The following PHTF2 variants were observed in gnomAD, a reference collection of about 807,000 sequenced individuals.
The protein encoded by PHTF2 is putative homeodomain transcription factor 2.
A neutral mutation model predicts 101.2 loss-of-function variants in PHTF2; 60 were observed. That is an observed-to-expected ratio of 0.59 (90% CI 0.48 to 0.73). The LOEUF (loss-of-function observed/expected upper bound fraction) is 0.73, where lower values mean the gene tolerates loss of function less well. Ranked by LOEUF, PHTF2 falls within the 30% of genes least tolerant of loss-of-function variation. PHTF2 has a pLI of 0.00. For missense variants in PHTF2, 747 were observed against 908.7 expected, an observed-to-expected ratio of 0.82 and a Z score of 2.29; for synonymous variants, 311 against 307.3, an observed-to-expected ratio of 1.01 and a Z score of -0.13.
intron 19 of PHTF2, among the ~76,000 whole-genome samples, chr7:77,954,615 T>TATATATATATATAA (rs1806839794): frequency 1.4e-5 from 1 of 71,266 alleles, no homozygotes; most frequent in Non-Finnish European, 3.6e-5. Flanking sequence ...GTACTGTGTA[T>TATATATATATATAA]ATATATATAT....
At chr7:77,925,115 A>ATGAGAAGCG (rs1803836379) in intron 11 of PHTF2, among the ~76,000 whole-genome samples, 1 of 152,198 alleles carries the variant, frequency 6.6e-6, no homozygotes, top group South Asian at 2.1e-4. Flanking sequence ...GTAACATTTG[A>ATGAGAAGCG]TGAGAAGCGT....
intron 1 of PHTF2, among the ~76,000 whole-genome samples, chr7:77,801,502 C>T (rs1386461101): frequency 6.6e-6 from 1 of 152,206 alleles, no homozygotes; most frequent in Non-Finnish European, 1.5e-5. Flanking sequence ...AGGAGAATCG[C>T]TTGAACCCAG....
At chr7:77,850,750 G>A (rs1362986760) in intron 2 of PHTF2, among the ~76,000 whole-genome samples, 1 of 152,022 alleles carries the variant, frequency 6.6e-6, no homozygotes, top group African/African-American at 2.4e-5. Flanking sequence ...GATCTTTGAG[G>A]AAAGTCTTTC....
intron 3 of PHTF2, among the ~76,000 whole-genome samples, chr7:77,860,602 G>A (rs1374650161): frequency 6.6e-6 from 1 of 152,196 alleles, no homozygotes; most frequent in African/African-American, 2.4e-5. Context: ...AGTGCTTGGT[G>A]TATAGTAGGT....
chr7:77,870,248 T>G lies in PHTF2; in HGVS notation c.147+15414T>G, dbSNP rs111618035. Among the ~76,000 whole-genome samples, 250 of 86,958 alleles carry G rather than the reference T, an allele frequency of 2.9e-3. 1 individual carries two copies. The highest frequency in any genetic ancestry group is 0.012 in the African/African-American group (178 of 14,346). The allele number at this position is 86,958 out of a possible 152,430, so 57.0% of individuals were successfully genotyped here. A position where few individuals can be genotyped will look rare whatever the true frequency, so the allele number is the denominator to read the frequency against. ...ACTTTTAAATCTTTAATCCATTTTG[T>G]TTTTTTTTTTTTTGGTATGTTGTAT... On this transcript the variant is annotated intron_variant, in intron 3 of 19. Transcript: ENST00000416283.
intron 3 of PHTF2, among the ~76,000 whole-genome samples, chr7:77,855,870 G>A (rs1797137915): frequency 1.3e-5 from 2 of 152,188 alleles, no homozygotes; most frequent in South Asian, 4.1e-4. Context: ...GGGAGGGGTG[G>A]TGTTGACAAT....
chr7:77,943,564 A>T (rs1255873760), intron 16 of PHTF2, among the ~76,000 whole-genome samples: 5 of 152,200 alleles, frequency 3.3e-5, no homozygotes, highest in Non-Finnish European at 7.3e-5. Flanking sequence ...GCAGGGGAAC[A>T]TGTTCTCAGG....
At chr7:77,939,556 CT>C (rs1340270760) in intron 13 of PHTF2, among the ~76,000 whole-genome samples, 1 of 146,684 alleles carries the variant, frequency 6.8e-6, no homozygotes, top group Non-Finnish European at 1.5e-5. Flanking sequence ...TGCCACTGTA[CT>C]CCAGCCTGGG....
chr7:77,912,710 C>CTTTTTTTTT, intron 9 of PHTF2, among the ~76,000 whole-genome samples: 2 of 80,466 alleles, frequency 2.5e-5, no homozygotes, highest in Middle Eastern at 9.1e-3. Context: ...AGAGAACCAC[C>CTTTTTTTTT]TTTTTTTTTT....
intron 1 of PHTF2, among the ~76,000 whole-genome samples, chr7:77,829,110 G>GT (rs1794896992): frequency 6.6e-6 from 1 of 152,226 alleles, no homozygotes; most frequent in Non-Finnish European, 1.5e-5. Context: ...GAGCCCAGGA[G>GT]TTTGAGGCTA....
rs576508937 is a variant in PHTF2 at position 77,809,934 on chromosome 7, C to T, written c.-36+10963C>T. On this transcript the variant is annotated intron_variant, in intron 1 of 19. Transcript: ENST00000416283. ...TTCTTATTCCCACCCATTGCAACCA[C>T]ACTAAATGAAATTATGAGAGGAAGG... 3.9e-5 allele frequency among the ~76,000 whole-genome samples: 6 copies of T among 152,218 alleles called. No individual in the cohort carries two copies. In the South Asian group the frequency reaches 8.3e-4, roughly 21 times the overall value.
intron 3 of PHTF2, among the ~76,000 whole-genome samples, chr7:77,883,782 G>C (rs1320525118): frequency 6.6e-6 from 1 of 152,076 alleles, no homozygotes; most frequent in Non-Finnish European, 1.5e-5. Context: ...TTATAGCATT[G>C]AATCTTTTGT....
intron 3 of PHTF2, among the ~76,000 whole-genome samples, chr7:77,875,530 ATATTTATTTATT>A (rs10556864): frequency 2.0e-5 from 3 of 148,218 alleles, no homozygotes; most frequent in Middle Eastern, 3.4e-3. Flanking sequence ...ATAACAGGTA[ATATTTATTTATT>A]TATTTATTTA....
At chr7:77,918,652 CT>C (rs1562948914) in intron 9 of PHTF2, among the ~76,000 whole-genome samples, 2 of 152,290 alleles carry the variant, frequency 1.3e-5, no homozygotes, top group South Asian at 4.1e-4. Flanking sequence ...CTATCACTTT[CT>C]TTCCCAGACA....
chr7:77,930,259 A>G (rs1342829754), intron 12 of PHTF2, among the ~76,000 whole-genome samples: 2 of 152,126 alleles, frequency 1.3e-5, no homozygotes, highest in African/African-American at 4.8e-5. Flanking sequence ...CAGTCGGACT[A>G]GCCACATTTC....
chr7:77,879,080 A>C (rs960564580), intron 3 of PHTF2, among the ~76,000 whole-genome samples: 1 of 152,190 alleles, frequency 6.6e-6, no homozygotes, highest in Non-Finnish European at 1.5e-5. Flanking sequence ...TTCTTATGCA[A>C]CCATATCCAG....
chr7:77,802,268 C>T (rs1183372802), intron 1 of PHTF2, among the ~76,000 whole-genome samples: 1 of 152,148 alleles, frequency 6.6e-6, no homozygotes, highest in African/African-American at 2.4e-5. Context: ...GTGAGTACTA[C>T]CCAATTTTGA....
chr7:77,830,952 A>T (rs1795032627), intron 1 of PHTF2, among the ~76,000 whole-genome samples: 1 of 152,246 alleles, frequency 6.6e-6, no homozygotes, highest in Admixed American at 6.5e-5. Flanking sequence ...AAATAACAAA[A>T]CATTACTAGA....
At chr7:77,856,146 A>G (rs1376036434) in intron 3 of PHTF2, among the ~76,000 whole-genome samples, 1 of 152,068 alleles carries the variant, frequency 6.6e-6, no homozygotes, top group Non-Finnish European at 1.5e-5. Context: ...GCTACTTACA[A>G]AGCTGAGGCA....
Sources: gnomAD v4.1 joint callset for allele counts (sites outside exome capture counted in the v4.1 genomes callset) on GRCh38, gnomAD v4.1.1 for gene constraint, MANE v1.5 for transcripts, NCBI Gene and HGNC (gene_info 2026-07-23, HGNC 2026-07-21) for gene names.